CMIP: variants seen among roughly 807,000 people sequenced by gnomAD.
CMIP encodes the protein C-Maf-inducing protein.
CMIP carries 13 observed loss-of-function variants against 97.3 expected under a neutral mutation model. That is an observed-to-expected ratio of 0.13 (90% CI 0.09 to 0.21). CMIP has a LOEUF of 0.21. Among genes scored for constraint, CMIP ranks in the 10% least tolerant of loss-of-function variants. The probability of loss-of-function intolerance (pLI) is 1.00; values close to 1 mark genes in which losing one functional copy is unlikely to be tolerated. For synonymous variants in CMIP, 538 were observed against 436.3 expected, an observed-to-expected ratio of 1.23 and a Z score of -2.91; for missense variants, 847 against 1,024.9, an observed-to-expected ratio of 0.83 and a Z score of 2.37.
intron 1 of CMIP, among the ~76,000 whole-genome samples, chr16:81,497,900 G>A (rs2089521610): frequency 6.6e-6 from 1 of 152,266 alleles, no homozygotes; most frequent in Non-Finnish European, 1.5e-5. Flanking sequence ...CATGGCTGCT[G>A]CTCCAGCTGT....
intron 1 of CMIP, among the ~76,000 whole-genome samples, chr16:81,576,166 G>C (rs554624545): frequency 1.3e-5 from 2 of 152,318 alleles, no homozygotes; most frequent in Non-Finnish European, 2.9e-5. Flanking sequence ...CACTTTGGGA[G>C]GCTGAGGCGG....
intron 1 of CMIP, among the ~76,000 whole-genome samples, chr16:81,538,389 A>T (rs1439112339): frequency 6.6e-6 from 1 of 152,238 alleles, no homozygotes; most frequent in Non-Finnish European, 1.5e-5. Context: ...GGTTGTTGGA[A>T]CAAAGTTGAA....
At chr16:81,505,453 A>G (rs1276040015) in intron 1 of CMIP, among the ~76,000 whole-genome samples, 1 of 152,156 alleles carries the variant, frequency 6.6e-6, no homozygotes, top group Non-Finnish European at 1.5e-5. Context: ...TGGTTTTCAA[A>G]GGCAGCGGGG....
chr16:81,668,987 T>G (rs1283011227), intron 7 of CMIP, among the ~76,000 whole-genome samples: 1 of 95,260 alleles, frequency 1.0e-5, no homozygotes, highest in African/African-American at 4.2e-5. Context: ...CACACCCACC[T>G]CACACTCTCC....
chr16:81,696,474 C>G, intron 13 of CMIP, 86 bp from the exon 14 acceptor site: 1 of 1,350,486 alleles, frequency 7.4e-7, no homozygotes, highest in Middle Eastern at 1.8e-4. Flanking sequence ...TTGCCTGAGC[C>G]TTTCCCATTC....
chr16:81,481,264 T>C (rs1908244781), intron 1 of CMIP, among the ~76,000 whole-genome samples: 1 of 152,220 alleles, frequency 6.6e-6, no homozygotes, highest in Non-Finnish European at 1.5e-5. Flanking sequence ...TACGGATTGT[T>C]GTGTCACCCT....
intron 1 of CMIP, among the ~76,000 whole-genome samples, chr16:81,447,043 C>T (rs1223389801): frequency 6.6e-6 from 1 of 152,186 alleles, no homozygotes; most frequent in Non-Finnish European, 1.5e-5. Flanking sequence ...TGTTCTCAAG[C>T]CCGTCCCGCG....
At chr16:81,461,025 C>T (rs143081710) in intron 1 of CMIP, among the ~76,000 whole-genome samples, 32 of 152,318 alleles carry the variant, frequency 2.1e-4, no homozygotes, top group African/African-American at 6.0e-4. Flanking sequence ...CAAGAGGTCC[C>T]GCCCAGGTTT....
chr16:81,553,199 T>G (rs187188473), intron 1 of CMIP, among the ~76,000 whole-genome samples: 11 of 152,328 alleles, frequency 7.2e-5, no homozygotes, highest in Admixed American at 2.0e-4. Context: ...CTGCTCCGTT[T>G]CGCAGATTGC....
intron 1 of CMIP, among the ~76,000 whole-genome samples, chr16:81,473,974 C>T (rs538843335): frequency 1.3e-5 from 2 of 152,286 alleles, no homozygotes; most frequent in South Asian, 2.1e-4. Context: ...TAGACGACTC[C>T]CATCCCTTTG....
chr16:81,709,602 T>A (rs1908534776), intron 20 of CMIP, 144 bp from the exon 21 acceptor site: 1 of 850,236 alleles, frequency 1.2e-6, no homozygotes, highest in Admixed American at 2.4e-5. Context: ...CACCCACCCC[T>A]CCAAGAGCCC....
intron 3 of CMIP, chr16:81,645,314 G>A (rs939907453): frequency 3.5e-5 from 45 of 1,281,150 alleles, no homozygotes; most frequent in South Asian, 1.4e-4. Context: ...CCCGTGCAGC[G>A]TCCTCTCTTC....
At chr16:81,456,403 T>C (rs111732582) in intron 1 of CMIP, among the ~76,000 whole-genome samples, 18 of 152,180 alleles carry the variant, frequency 1.2e-4, no homozygotes, top group African/African-American at 4.3e-4. Context: ...CCAGAGCCAG[T>C]GGCCTCCAGA....
At chr16:81,531,320 C>G (rs1169625588) in intron 1 of CMIP, among the ~76,000 whole-genome samples, 1 of 152,198 alleles carries the variant, frequency 6.6e-6, no homozygotes, top group African/African-American at 2.4e-5. Context: ...AGGTGTGGAG[C>G]AGATCCTGCC....
At chr16:81,597,623 G>T (rs1003958397) in intron 1 of CMIP, among the ~76,000 whole-genome samples, 1 of 151,252 alleles carries the variant, frequency 6.6e-6, no homozygotes, top group African/African-American at 2.4e-5. Context: ...AGCCTGGAAG[G>T]TCCTGGGACT....
intron 3 of CMIP, among the ~76,000 whole-genome samples, chr16:81,636,580 CAAAA>C (rs200195305): frequency 0.035 from 3,780 of 106,624 alleles, 171 homozygotes; most frequent in African/African-American, 0.13. Context: ...AACTTCGTCT[CAAAA>C]AAAAAAAAAA....
intron 1 of CMIP, among the ~76,000 whole-genome samples, chr16:81,587,284 C>G (rs1340977705): frequency 6.6e-6 from 1 of 152,200 alleles, no homozygotes; most frequent in Admixed American, 6.5e-5. Flanking sequence ...CTGGGCTGTA[C>G]CAGCGATTAA....
chr16:81,573,624 C>T (rs1264071098), intron 1 of CMIP, among the ~76,000 whole-genome samples: 2 of 151,816 alleles, frequency 1.3e-5, no homozygotes, highest in East Asian at 3.9e-4. Context: ...TTTGTGGGTT[C>T]GGGGCCCTAG....
chr16:81,683,458 C>T (rs1365420660), intron 10 of CMIP, among the ~76,000 whole-genome samples: 2 of 152,172 alleles, frequency 1.3e-5, no homozygotes, highest in African/African-American at 2.4e-5. Context: ...TGCAGTAGTT[C>T]CGCTCACTGC....
Sources: allele counts gnomAD v4.1 joint callset (sites outside exome capture counted in the v4.1 genomes callset), GRCh38; gene constraint gnomAD v4.1.1; transcripts MANE v1.5; gene names NCBI Gene and HGNC (gene_info 2026-07-23, HGNC 2026-07-21).